Variants in UNC5C observed in about 807,000 individuals in gnomAD.
The protein encoded by UNC5C is unc-5 netrin receptor C.
A neutral mutation model predicts 99.8 loss-of-function variants in UNC5C; 47 were observed. The ratio of observed to expected loss-of-function variants is 0.47; its 90% CI spans 0.37 to 0.60. The LOEUF is 0.60. UNC5C is among the 20% of genes least tolerant of loss of function. The pLI is 0.00. For synonymous variants in UNC5C, 487 were observed against 452.2 expected, an observed-to-expected ratio of 1.08 and a Z score of -0.98; for missense variants, 1,062 against 1,165.9, an observed-to-expected ratio of 0.91 and a Z score of 1.30.
At chr4:95,184,042 A>AAAAC (rs1736727890) in intron 13 of UNC5C, among the ~76,000 whole-genome samples, 1 of 152,208 alleles carries the variant, frequency 6.6e-6, no homozygotes, top group Admixed American at 6.5e-5. Context: ...AATTACTCCT[A>AAAAC]AAACAGGGAG....
At chr4:95,226,798 T>A (rs1306202906) in intron 7 of UNC5C, among the ~76,000 whole-genome samples, 4 of 151,808 alleles carry the variant, frequency 2.6e-5, no homozygotes, top group Admixed American at 2.6e-4. Flanking sequence ...CTCAAGAGGG[T>A]GTTTGGAAAT....
At chr4:95,179,759 A>AAG (rs1345011906) in intron 14 of UNC5C, among the ~76,000 whole-genome samples, 5 of 151,450 alleles carry the variant, frequency 3.3e-5, no homozygotes, top group Non-Finnish European at 7.4e-5. Flanking sequence ...AAAAAAAAAA[A>AAG]AAAAAAGAAA....
At chr4:95,398,950 A>T (rs1745605220) in intron 1 of UNC5C, among the ~76,000 whole-genome samples, 1 of 152,184 alleles carries the variant, frequency 6.6e-6, no homozygotes, top group Admixed American at 6.5e-5. Context: ...CTGGAGAGGA[A>T]ATTTGAAATA....
chr4:95,219,099 C>T lies in UNC5C; in HGVS notation c.1515G>A (p.Met505Ile), dbSNP rs1388906091. The T allele has an allele frequency of 6.2e-7, 1 of 1,614,114 alleles. No individual in the cohort carries two copies. The highest frequency in any genetic ancestry group is 8.5e-7 in the Non-Finnish European group (1 of 1,180,030). The change falls in exon 9 of 16, where the codon ATG (methionine) becomes ATA (isoleucine). Residue 505 changes from methionine to isoleucine, a missense_variant. Coordinates refer to ENST00000453304, the MANE Select transcript of UNC5C (RefSeq NM_003728.4). ...SEFTSKLSPQMTQSLLENEAL... is the reference protein window; with the variant it reads ...SEFTSKLSPQITQSLLENEAL... ...CTTCATTCTCCAACAACGACTGGGT[C>T]ATCTGAGGGGACAGCTTGGACGTAA...
At chr4:95,508,278 C>G (rs1560488233) in intron 1 of UNC5C, among the ~76,000 whole-genome samples, 1 of 151,966 alleles carries the variant, frequency 6.6e-6, no homozygotes, top group Non-Finnish European at 1.5e-5. Context: ...CTACCTACAC[C>G]AAAGGACTGT....
At chr4:95,467,464 A>G (rs1747819000) in intron 1 of UNC5C, among the ~76,000 whole-genome samples, 1 of 152,178 alleles carries the variant, frequency 6.6e-6, no homozygotes. Context: ...TGCAGCATGC[A>G]TATATTTTCT....
intron 3 of UNC5C, among the ~76,000 whole-genome samples, chr4:95,299,172 C>G (rs1195195065): frequency 6.6e-6 from 1 of 151,946 alleles, no homozygotes; most frequent in Non-Finnish European, 1.5e-5. Flanking sequence ...AGGGTGGGCC[C>G]CAACCCAATC....
chr4:95,365,617 A>G (rs1478474876), intron 1 of UNC5C, among the ~76,000 whole-genome samples: 3 of 152,040 alleles, frequency 2.0e-5, no homozygotes, highest in African/African-American at 7.2e-5. Flanking sequence ...ATTTTAAAAT[A>G]TTCTTTTCAA....
At chr4:95,199,497 T>C (rs1399269200) in intron 12 of UNC5C, among the ~76,000 whole-genome samples, 1 of 152,220 alleles carries the variant, frequency 6.6e-6, no homozygotes, top group Non-Finnish European at 1.5e-5. Flanking sequence ...AATGTCTATT[T>C]AGAAAGCATT....
intron 1 of UNC5C, among the ~76,000 whole-genome samples, chr4:95,524,619 T>C (rs1722452510): frequency 6.6e-6 from 1 of 152,158 alleles, no homozygotes; most frequent in Non-Finnish European, 1.5e-5. Context: ...GGACATGTGC[T>C]CTCCAGATCA....
chr4:95,485,988 T>A (rs1721318369), intron 1 of UNC5C, among the ~76,000 whole-genome samples: 1 of 151,632 alleles, frequency 6.6e-6, no homozygotes, highest in Admixed American at 6.6e-5. Flanking sequence ...TTTTATAAAT[T>A]TATGTTGGAA....
chr4:95,168,617 A>G lies in UNC5C; in HGVS notation c.*617T>C, dbSNP rs965282672. 1 of 152,640 alleles carries G rather than the reference A, an allele frequency of 6.6e-6. No homozygotes were observed. The highest frequency in any genetic ancestry group is 1.5e-5 in the Non-Finnish European group (1 of 68,064). The allele number at this position is 152,640 out of a possible 1,614,324, so 9.5% of individuals were successfully genotyped here. A position where few individuals can be genotyped will look rare whatever the true frequency, so the allele number is the denominator to read the frequency against. Reference sequence around the variant, plus strand: ...GGAGTCTTAGTTATTTCTTTTTTACACTTAGATTCTCCACTTCCCTGATAC... The same window carrying G: ...GGAGTCTTAGTTATTTCTTTTTTACGCTTAGATTCTCCACTTCCCTGATAC... On this transcript the variant is annotated 3_prime_UTR_variant, in exon 16 of 16. Coordinates refer to ENST00000453304, the MANE Select transcript of UNC5C (RefSeq NM_003728.4).
At chr4:95,176,986 G>A (rs529137843) in intron 14 of UNC5C, among the ~76,000 whole-genome samples, 2 of 152,158 alleles carry the variant, frequency 1.3e-5, no homozygotes, top group African/African-American at 4.8e-5. Flanking sequence ...CAGTACTTGG[G>A]GGGGAGTGAC....
chr4:95,215,879 T>C (rs1368647631), intron 10 of UNC5C, among the ~76,000 whole-genome samples: 2 of 152,182 alleles, frequency 1.3e-5, no homozygotes, highest in Non-Finnish European at 2.9e-5. Flanking sequence ...CCAGGAAATA[T>C]GGCAACGTGT....
intron 2 of UNC5C, among the ~76,000 whole-genome samples, chr4:95,333,173 G>A (rs1743191145): frequency 1.3e-5 from 2 of 152,042 alleles, no homozygotes; most frequent in Non-Finnish European, 2.9e-5. Context: ...CGATTCCTCA[G>A]GGATCTAGAA....
At chr4:95,183,207 C>T (rs1026265487) in intron 13 of UNC5C, 146 bp from the exon 14 acceptor site, 2 of 720,158 alleles carry the variant, frequency 2.8e-6, no homozygotes, top group African/African-American at 3.5e-5. Flanking sequence ...CATCCTGGAC[C>T]CTTATCACAT....
chr4:95,440,223 A>G lies in UNC5C; in HGVS notation c.125-104592T>C, dbSNP rs146938611. ...CACGTAATGGAGAAAGGGAGACAGT[A>G]GATTGTTTTCAGTAGGAGGTGGCTT... On this transcript the variant is annotated intron_variant, in intron 1 of 15. Transcript: ENST00000453304. Among the ~76,000 whole-genome samples, 6 of 152,326 alleles carry G rather than the reference A, an allele frequency of 3.9e-5. No individual in the cohort carries two copies. The East Asian group carries it at 1.2e-3, about 29-fold the overall frequency.
chr4:95,502,965 ACT>A (rs1560486631), intron 1 of UNC5C, among the ~76,000 whole-genome samples: 1 of 152,096 alleles, frequency 6.6e-6, no homozygotes, highest in East Asian at 1.9e-4. Context: ...TACAAAATTT[ACT>A]CTTTTAACTT....
intron 1 of UNC5C, among the ~76,000 whole-genome samples, chr4:95,506,189 T>C (rs10440377): frequency 0.036 from 5,526 of 152,136 alleles, 189 homozygotes; most frequent in African/African-American, 0.092. Flanking sequence ...GACAAGATTC[T>C]ATATATCATA....
Sources: gnomAD v4.1 joint callset for allele counts (sites outside exome capture counted in the v4.1 genomes callset) on GRCh38, gnomAD v4.1.1 for gene constraint, MANE v1.5 for transcripts, NCBI Gene and HGNC (gene_info 2026-07-23, HGNC 2026-07-21) for gene names.